Variants in ANKFN1 observed in about 807,000 individuals in gnomAD.
ANKFN1 encodes ankyrin repeat and fibronectin type III domain containing 1, also known as ankyrin repeat and fibronectin type-III domain-containing protein 1.
ANKFN1 carries 74 observed loss-of-function variants against 108.7 expected under a neutral mutation model. That is an observed-to-expected ratio of 0.68 (90% CI 0.56 to 0.83). The LOEUF is 0.83. ANKFN1 is among the 40% of genes least tolerant of loss of function. ANKFN1 has a pLI of 0.00. For synonymous variants in ANKFN1, 547 were observed against 516.2 expected (o/e 1.06, Z -0.81); for missense variants, 1,505 against 1,382.3 (o/e 1.09, Z -1.41).
At chr17:56,471,164 A>T (rs967046540) in intron 15 of ANKFN1, 1 of 152,630 alleles carries the variant, frequency 6.6e-6, no homozygotes, top group African/African-American at 2.4e-5. Flanking sequence ...TTGTCAAGTC[A>T]TATCAACTAG....
At chr17:56,299,471 G>C (rs1294501294) in intron 3 of ANKFN1, among the ~76,000 whole-genome samples, 1 of 152,120 alleles carries the variant, frequency 6.6e-6, no homozygotes, top group Non-Finnish European at 1.5e-5. Flanking sequence ...AGTAATCCCT[G>C]TACATTCTGA....
At chr17:56,390,017 CT>C (rs561030641) in intron 8 of ANKFN1, among the ~76,000 whole-genome samples, 15 of 148,980 alleles carry the variant, frequency 1.0e-4, no homozygotes, top group African/African-American at 2.0e-4. Flanking sequence ...GAAGCATTTT[CT>C]TTTTTTTTTA....
chr17:56,451,873 A>G lies in ANKFN1; in HGVS notation c.1207+2687A>G, dbSNP rs548814173. ...TGTAATGACTCACTAACTATACAAC[A>G]TATTCCAAATATGGGAGTAATAATA... On this transcript the variant is annotated intron_variant, in intron 11 of 20. Transcript: ENST00000682825. Among the ~76,000 whole-genome samples the G allele has an allele frequency of 7.2e-5, 11 of 152,310 alleles. No individual in the cohort carries two copies. In the South Asian group the frequency reaches 2.3e-3, roughly 32 times the overall value.
chr17:56,155,879 G>A (rs1909059629), intron 1 of ANKFN1, among the ~76,000 whole-genome samples: 1 of 152,146 alleles, frequency 6.6e-6, no homozygotes, highest in African/African-American at 2.4e-5. Flanking sequence ...TTCTATAGAT[G>A]ATATCTGCAA....
intron 1 of ANKFN1, among the ~76,000 whole-genome samples, chr17:56,170,774 TTATATATATATATATATATATATA>T (rs60304505): frequency 2.9e-5 from 2 of 68,096 alleles, no homozygotes; most frequent in Admixed American, 1.6e-4. Context: ...AAAAAATTTT[TTATATATATATATATATATATATA>T]TATATATATA....
At chr17:56,062,774 G>T (rs2332567) in intron 4 of ANKFN1, among the ~76,000 whole-genome samples, 100,281 of 151,894 alleles carry the variant, frequency 0.66, 34,415 homozygotes, top group Non-Finnish European at 0.78. Context: ...TCATCATGAT[G>T]CTATCTGGTT....
chr17:56,287,681 T>C (rs1051645232), intron 3 of ANKFN1, among the ~76,000 whole-genome samples: 2 of 152,202 alleles, frequency 1.3e-5, no homozygotes, highest in Non-Finnish European at 2.9e-5. Flanking sequence ...GGCAAGCCAA[T>C]CATCTTAGAT....
intron 4 of ANKFN1, among the ~76,000 whole-genome samples, chr17:56,077,990 T>A (rs1905200646): frequency 1.3e-5 from 2 of 152,214 alleles, no homozygotes; most frequent in Admixed American, 6.5e-5. Context: ...TTCTAGTCAT[T>A]GTGTTGGTAT....
intron 3 of ANKFN1, among the ~76,000 whole-genome samples, chr17:56,315,882 A>T (rs2045192507): frequency 6.6e-6 from 1 of 152,240 alleles, no homozygotes; most frequent in South Asian, 2.1e-4. Context: ...TGGGAATAAT[A>T]GAGATGAGGC....
At chr17:56,453,720 A>G (rs889973184) in intron 11 of ANKFN1, among the ~76,000 whole-genome samples, 3 of 152,144 alleles carry the variant, frequency 2.0e-5, no homozygotes, top group Non-Finnish European at 4.4e-5. Context: ...GAGAAATTGT[A>G]TATCTAAAGG....
Position 56,457,887 on chromosome 17 carries a change from A to G in ANKFN1, c.1465A>G (p.Arg489Gly), listed in dbSNP as rs938813758. The change falls in exon 14 of 21, where the codon AGG becomes GGG. Residue 489 changes from arginine to glycine, a missense_variant. Physicochemically the swap from Arg to Gly is moderately radical, Grantham distance 125 (BLOSUM62 -2). Transcript: ENST00000682825. ...TKLSCMWEDIRWLRQSIPISS... is the reference protein window; with the variant it reads ...TKLSCMWEDIGWLRQSIPISS... ...GCTGTCTTGTATGTGGGAAGATATA[A>G]GGTGGCTGAGGCAAAGCATACCAAT... is the stretch of plus-strand genomic sequence containing the variant. The G allele has an allele frequency of 1.5e-5, 25 of 1,613,702 alleles. No individual in the cohort carries two copies. The highest frequency in any genetic ancestry group is 2.0e-5 in the Non-Finnish European group (24 of 1,179,908).
chr17:56,334,718 A>T (rs12953154), intron 4 of ANKFN1, among the ~76,000 whole-genome samples: 21,617 of 152,130 alleles, frequency 0.14, 2,073 homozygotes, highest in East Asian at 0.4. Flanking sequence ...TAAGTTAAAA[A>T]GTCAAAACAT....
intron 14 of ANKFN1, among the ~76,000 whole-genome samples, chr17:56,463,276 G>C (rs1012150623): frequency 2.0e-5 from 3 of 152,060 alleles, no homozygotes; most frequent in African/African-American, 7.2e-5. Context: ...GCTCATTTGT[G>C]CCCAAGGTTA....
intron 4 of ANKFN1, among the ~76,000 whole-genome samples, chr17:56,103,345 C>T (rs1905684709): frequency 6.6e-6 from 1 of 152,188 alleles, no homozygotes; most frequent in Non-Finnish European, 1.5e-5. Flanking sequence ...CCATTAATGG[C>T]AGCCTCTGGT....
chr17:56,494,412 T>C (rs1358095956), intron 19 of ANKFN1, among the ~76,000 whole-genome samples: 1 of 152,038 alleles, frequency 6.6e-6, no homozygotes, highest in Non-Finnish European at 1.5e-5. Context: ...TGGCTCATTT[T>C]TGAACCCCAT....
chr17:56,082,077 C>T (rs140024896), intron 4 of ANKFN1, among the ~76,000 whole-genome samples: 299 of 152,224 alleles, frequency 2.0e-3, no homozygotes, highest in Non-Finnish European at 3.5e-3. Flanking sequence ...ACTTGATGGG[C>T]GCCTGACTTT....
At chr17:56,170,815 C>T (rs1446761337) in intron 1 of ANKFN1, among the ~76,000 whole-genome samples, 20 of 124,206 alleles carry the variant, frequency 1.6e-4, no homozygotes, top group African/African-American at 3.5e-4. Flanking sequence ...TATACACACA[C>T]ACACACACAC....
chr17:56,218,163 A>G (rs1915565013), intron 2 of ANKFN1, among the ~76,000 whole-genome samples: 3 of 150,238 alleles, frequency 2.0e-5, no homozygotes, highest in African/African-American at 7.4e-5. Flanking sequence ...TGGTCCCGCA[A>G]CCTGTTTCTC....
At chr17:56,384,280 C>T (rs1035617004) in intron 8 of ANKFN1, among the ~76,000 whole-genome samples, 1 of 152,032 alleles carries the variant, frequency 6.6e-6, no homozygotes, top group Non-Finnish European at 1.5e-5. Context: ...ATTCAACAAC[C>T]CTTCATGCTA....
Sources: allele counts gnomAD v4.1 joint callset (sites outside exome capture counted in the v4.1 genomes callset), GRCh38; gene constraint gnomAD v4.1.1; transcripts MANE v1.5; gene names NCBI Gene and HGNC (gene_info 2026-07-23, HGNC 2026-07-21).